Variants in ETV6 observed in about 807,000 individuals in gnomAD.
ETV6 encodes the protein transcription factor ETV6.
A neutral mutation model predicts 51.1 loss-of-function variants in ETV6; 16 were observed. The observed-to-expected ratio is 0.31, with a 90% CI of 0.21 to 0.48. The LOEUF (loss-of-function observed/expected upper bound fraction) is 0.48, where lower values mean the gene tolerates loss of function less well. Among genes scored for constraint, ETV6 ranks in the 20% least tolerant of loss-of-function variants. The probability of loss-of-function intolerance (pLI) is 0.99; values close to 1 mark genes in which losing one functional copy is unlikely to be tolerated. For synonymous variants in ETV6, 240 were observed against 224.1 expected (o/e 1.07, Z -0.64); for missense variants, 458 against 594.8 (o/e 0.77, Z 2.39).
At chr12:11,761,637 A>G (rs779180191) in intron 2 of ETV6, among the ~76,000 whole-genome samples, 1 of 152,234 alleles carries the variant, frequency 6.6e-6, no homozygotes, top group Non-Finnish European at 1.5e-5. Context: ...CCCACATGGC[A>G]TGTGTGCCAG....
At chr12:11,853,371 C>T (rs754023457) in intron 3 of ETV6, 56 bp from the exon 4 acceptor site, 117 of 1,607,420 alleles carry the variant, frequency 7.3e-5, no homozygotes, top group East Asian at 1.1e-4. Flanking sequence ...CTCCGTAGAT[C>T]GTTGTTGGAA....
chr12:11,811,283 T>C (rs1369996407), intron 2 of ETV6, among the ~76,000 whole-genome samples: 3 of 152,156 alleles, frequency 2.0e-5, no homozygotes, highest in Non-Finnish European at 2.9e-5. Context: ...TGGCAATCAA[T>C]AGGAAAAGGA....
At position 11,893,141 on chromosome 12, in the gene ETV6, T is replaced by C. The variant is rs72550775; in HGVS notation, c.*2095T>C. On this transcript the variant is annotated 3_prime_UTR_variant, in exon 8 of 8. Transcript: ENST00000396373. ...ACATGGTGATCCCTATTTCAGCCTC[T>C]AAGATGACTGGTATTCTATCTGAAA... 7 of 232,778 alleles carry C rather than the reference T, an allele frequency of 3.0e-5. No individual in the cohort carries two copies. The highest frequency in any genetic ancestry group is 5.6e-5 in the Admixed American group (1 of 17,772). 14.4% of individuals were successfully genotyped at this position (232,778 alleles called of 1,614,324 possible). A position where few individuals can be genotyped will look rare whatever the true frequency, so the allele number is the denominator to read the frequency against.
intron 2 of ETV6, among the ~76,000 whole-genome samples, chr12:11,837,588 G>A (rs963072838): frequency 6.6e-6 from 1 of 152,202 alleles, no homozygotes; most frequent in African/African-American, 2.4e-5. Context: ...AAACCAGATT[G>A]TTCTTTGGCA....
intron 1 of ETV6, among the ~76,000 whole-genome samples, chr12:11,708,912 A>C (rs770944604): frequency 6.6e-5 from 10 of 152,176 alleles, no homozygotes; most frequent in Admixed American, 5.2e-4. Flanking sequence ...CTTAAAATCC[A>C]TTCGAAAAGG....
At chr12:11,717,601 G>T (rs535090686) in intron 1 of ETV6, among the ~76,000 whole-genome samples, 3 of 152,068 alleles carry the variant, frequency 2.0e-5, no homozygotes, top group Admixed American at 6.5e-5. Context: ...TAAAAGGCTC[G>T]ACCTCATGCG....
At chr12:11,713,614 AG>A (rs1406094245) in intron 1 of ETV6, among the ~76,000 whole-genome samples, 2 of 152,106 alleles carry the variant, frequency 1.3e-5, no homozygotes, top group Non-Finnish European at 2.9e-5. Flanking sequence ...TCTTCCACTC[AG>A]GGGGGCTTTC....
At chr12:11,812,877 A>T (rs1294985178) in intron 2 of ETV6, among the ~76,000 whole-genome samples, 1 of 152,208 alleles carries the variant, frequency 6.6e-6, no homozygotes, top group African/African-American at 2.4e-5. Flanking sequence ...CTAAAGCTGC[A>T]TGGAGACCCC....
chr12:11,853,602 C>G (rs754258181), intron 4 of ETV6, 41 bp downstream of exon 4: 2 of 1,606,088 alleles, frequency 1.2e-6, no homozygotes, highest in South Asian at 2.2e-5. Context: ...GAGGTTTAGA[C>G]AAATCCAGGA....
chr12:11,789,406 G>A (rs1945546686), intron 2 of ETV6, among the ~76,000 whole-genome samples: 1 of 152,110 alleles, frequency 6.6e-6, no homozygotes, highest in Non-Finnish European at 1.5e-5. Flanking sequence ...TCTCCTCTCA[G>A]TAGTTCAGAT....
At position 11,856,134 on chromosome 12, in the gene ETV6, T is replaced by G. The variant is rs145309431; in HGVS notation, c.463+2573T>G. Among the ~76,000 whole-genome samples, 588 of 152,250 alleles carry G rather than the reference T, an allele frequency of 3.9e-3. 1 individual carries two copies. Among genetic ancestry groups the G allele is most frequent in the East Asian group, 0.021 (108 of 5,178 alleles). On this transcript the variant is annotated intron_variant, in intron 4 of 7. Transcript: ENST00000396373. ...CCTTTGGCCTGATTTGACTCAGCAG[T>G]AGGTGTGTTTGTTGTTCTCATTTGC...
chr12:11,736,503 T>G (rs1472670013), intron 1 of ETV6, among the ~76,000 whole-genome samples: 1 of 152,240 alleles, frequency 6.6e-6, no homozygotes, highest in Non-Finnish European at 1.5e-5. Flanking sequence ...CTGTTATCTA[T>G]AACTGGTTCT....
intron 4 of ETV6, among the ~76,000 whole-genome samples, chr12:11,861,378 G>A (rs563034608): frequency 6.6e-6 from 1 of 152,168 alleles, no homozygotes; most frequent in African/African-American, 2.4e-5. Context: ...CAGGGCCTAG[G>A]GCAGCATGAC....
At chr12:11,838,540 T>C (rs1303622894) in intron 2 of ETV6, among the ~76,000 whole-genome samples, 1 of 152,248 alleles carries the variant, frequency 6.6e-6, no homozygotes, top group East Asian at 1.9e-4. Context: ...TGCCCTCTTA[T>C]TGCCAGAGGC....
At chr12:11,770,106 T>G (rs183723319) in intron 2 of ETV6, among the ~76,000 whole-genome samples, 1 of 152,178 alleles carries the variant, frequency 6.6e-6, no homozygotes, top group African/African-American at 2.4e-5. Context: ...TTATATCATC[T>G]TCTTCATAGC....
chr12:11,791,555 A>C (rs1945593557), intron 2 of ETV6, among the ~76,000 whole-genome samples: 1 of 152,248 alleles, frequency 6.6e-6, no homozygotes, highest in Non-Finnish European at 1.5e-5. Flanking sequence ...CATAAGGGAC[A>C]AGTAGTTGTA....
At chr12:11,760,703 A>G (rs1412740083) in intron 2 of ETV6, among the ~76,000 whole-genome samples, 1 of 60,356 alleles carries the variant, frequency 1.7e-5, no homozygotes, top group Non-Finnish European at 4.4e-5. Flanking sequence ...ATCTTTGCAA[A>G]TGAGCTTTAG....
intron 2 of ETV6, among the ~76,000 whole-genome samples, chr12:11,817,160 C>T (rs905764690): frequency 6.6e-6 from 1 of 152,218 alleles, no homozygotes; most frequent in African/African-American, 2.4e-5. Context: ...TGCATTTTCT[C>T]ATCTGGAAAA....
chr12:11,762,230 G>T (rs898543157), intron 2 of ETV6, among the ~76,000 whole-genome samples: 1 of 152,182 alleles, frequency 6.6e-6, no homozygotes, highest in African/African-American at 2.4e-5. Context: ...TCACAGGCCT[G>T]CTCCCCTGTT....
Sources: allele counts gnomAD v4.1 joint callset (sites outside exome capture counted in the v4.1 genomes callset), GRCh38; gene constraint gnomAD v4.1.1; transcripts MANE v1.5; gene names NCBI Gene and HGNC (gene_info 2026-07-23, HGNC 2026-07-21).